CARD8: variants seen among roughly 807,000 people sequenced by gnomAD.
CARD8 encodes the protein caspase recruitment domain-containing protein 8.
CARD8 carries 38 observed loss-of-function variants against 53.2 expected under a neutral mutation model. The observed-to-expected ratio is 0.71, with a 90% CI of 0.55 to 0.94. The LOEUF (loss-of-function observed/expected upper bound fraction) is 0.94, where lower values mean the gene tolerates loss of function less well. Among genes scored for constraint, CARD8 ranks in the 40% least tolerant of loss-of-function variants. CARD8 has a pLI of 0.00. For missense variants in CARD8, 561 were observed against 655.5 expected, an observed-to-expected ratio of 0.86 and a Z score of 1.57; for synonymous variants, 245 against 244.9, an observed-to-expected ratio of 1.00 and a Z score of 0.00.
At chr19:48,205,196 A>C (rs148066188), downstream of CARD8, among the ~76,000 whole-genome samples, 20 of 152,264 alleles carry the variant, frequency 1.3e-4, no homozygotes, top group East Asian at 3.3e-3. Flanking sequence ...TTATTTTTAA[A>C]AACGTTTTAT....
At position 48,240,768 on chromosome 19, in the gene CARD8, C is replaced by CA. The variant is rs34345721; in HGVS notation, c.59+193dup. On this transcript the variant is annotated intron_variant, in intron 4 of 13. Coordinates refer to ENST00000651546, the MANE Select transcript of CARD8 (RefSeq NM_001184900.3). ...TGGGCAACAAAACAAGACTCTGTGT[C>CA]AAAAAAAAAAAAAAAGTACACCTGG... is the stretch of plus-strand genomic sequence containing the variant. Among the ~76,000 whole-genome samples the CA allele has an allele frequency of 3.9e-3, 530 of 136,078 alleles. 2 individuals carry two copies. The highest frequency in any genetic ancestry group is 0.011 in the African/African-American group (407 of 36,962). The allele number at this position is 136,078 out of a possible 152,430, so 89.3% of individuals were successfully genotyped here. A position where few individuals can be genotyped will look rare whatever the true frequency, so the allele number is the denominator to read the frequency against.
At chr19:48,233,900 T>C (rs556100055) in intron 6 of CARD8, 1 of 159,642 alleles carries the variant, frequency 6.3e-6, no homozygotes, top group African/African-American at 2.4e-5. Flanking sequence ...CTTGTATCTG[T>C]GTGGTGAAAG....
At chr19:48,251,127 T>C (rs2046886078) in intron 1 of CARD8, among the ~76,000 whole-genome samples, 1 of 152,222 alleles carries the variant, frequency 6.6e-6, no homozygotes, top group South Asian at 2.1e-4. Context: ...CATGTCGTAT[T>C]AGCAACATCA....
intron 10 of CARD8, chr19:48,223,576 G>A: frequency 3.6e-6 from 1 of 277,990 alleles, no homozygotes; most frequent in South Asian, 3.4e-5. Context: ...TACCATCTCT[G>A]ATGAACAATT....
At chr19:48,206,764 T>G (rs1354924447), downstream of CARD8, among the ~76,000 whole-genome samples, 1 of 152,178 alleles carries the variant, frequency 6.6e-6, no homozygotes. Flanking sequence ...CTCCGCTCTT[T>G]TGTTGCTTTG....
chr19:48,215,459 T>C, intron 12 of CARD8, 75 bp from the exon 13 acceptor site: 1 of 966,826 alleles, frequency 1.0e-6, no homozygotes, highest in Non-Finnish European at 1.7e-6. Flanking sequence ...TAGTCTTTGA[T>C]GCAACCAACT....
downstream of CARD8, among the ~76,000 whole-genome samples, chr19:48,205,208 A>G (rs1599950649): frequency 1.3e-5 from 2 of 152,248 alleles, no homozygotes; most frequent in Middle Eastern, 6.8e-3. Flanking sequence ...ACGTTTTATT[A>G]TGGAAAGTTT....
chr19:48,226,048 C>T (rs534826915), intron 10 of CARD8, among the ~76,000 whole-genome samples: 135 of 109,538 alleles, frequency 1.2e-3, no homozygotes, highest in African/African-American at 5.9e-3. Context: ...AGCAAGACTC[C>T]GTCTCAAAAA....
At chr19:48,248,248 C>T (rs768118936) in intron 3 of CARD8, among the ~76,000 whole-genome samples, 1 of 152,092 alleles carries the variant, frequency 6.6e-6, no homozygotes, top group Non-Finnish European at 1.5e-5. Flanking sequence ...CTTGCCTGCA[C>T]GTATTGCCTG....
At chr19:48,252,995 A>G (rs2047132087) in intron 1 of CARD8, among the ~76,000 whole-genome samples, 1 of 152,156 alleles carries the variant, frequency 6.6e-6, no homozygotes, top group Non-Finnish European at 1.5e-5. Context: ...TCTTGTATTC[A>G]TTCCACAAAT....
At position 48,208,320 on chromosome 19, in the gene CARD8, G is replaced by A. The variant is rs1021629165; in HGVS notation, c.*3390C>T. 1.2e-4 allele frequency: 18 copies of A among 152,174 alleles called. No homozygotes were observed. In the East Asian group the frequency reaches 3.5e-3, roughly 29 times the overall value. The allele number at this position is 152,174 out of a possible 1,614,324, so 9.4% of individuals were successfully genotyped here. ...CCCAACTTGAGCATTCATTGCGCTG[G>A]TCCTAATTCACATTCAAACGCCCTG... is the stretch of plus-strand genomic sequence containing the variant. On this transcript the variant is annotated 3_prime_UTR_variant, in exon 14 of 14. Coordinates refer to ENST00000651546, the MANE Select transcript of CARD8 (RefSeq NM_001184900.3).
downstream of CARD8, among the ~76,000 whole-genome samples, chr19:48,207,004 C>T (rs1210648212): frequency 6.6e-6 from 1 of 151,984 alleles, no homozygotes; most frequent in East Asian, 1.9e-4. Context: ...CTCTGTTCTA[C>T]TAAAAATACA....
At chr19:48,248,454 A>C (rs1185772035) in intron 3 of CARD8, among the ~76,000 whole-genome samples, 2 of 152,270 alleles carry the variant, frequency 1.3e-5, no homozygotes, top group African/African-American at 4.8e-5. Flanking sequence ...TAAATAAGGA[A>C]TCAAAAGGAT....
At chr19:48,243,521 TCA>T (rs1431956648) in intron 3 of CARD8, among the ~76,000 whole-genome samples, 2 of 152,248 alleles carry the variant, frequency 1.3e-5, no homozygotes, top group Non-Finnish European at 2.9e-5. Flanking sequence ...ATTATGCTTC[TCA>T]CAGCCTGCGA....
chr19:48,233,602 G>A (rs1037164020), intron 6 of CARD8: 1 of 335,334 alleles, frequency 3.0e-6, no homozygotes, highest in Non-Finnish European at 5.9e-6. Flanking sequence ...CTCTTTCCTG[G>A]TGCATGTGCA....
chr19:48,235,900 A>G (rs1366407707), intron 5 of CARD8, among the ~76,000 whole-genome samples: 1 of 144,704 alleles, frequency 6.9e-6, no homozygotes, highest in Non-Finnish European at 1.5e-5. Context: ...ACTTTTGTCT[A>G]AAAAAAAAAA....
intron 4 of CARD8, among the ~76,000 whole-genome samples, 170 bp downstream of exon 4, chr19:48,240,792 G>A (rs1600592481): frequency 6.6e-6 from 1 of 151,916 alleles, no homozygotes; most frequent in East Asian, 1.9e-4. Context: ...AAGTACACCT[G>A]GGTGCCCATG....
At chr19:48,231,098 G>T in intron 8 of CARD8, 92 bp from the exon 9 acceptor site, 1 of 1,043,932 alleles carries the variant, frequency 9.6e-7, no homozygotes, top group Non-Finnish European at 1.5e-6. Context: ...TTGAAGTGAG[G>T]CAAGGTTCAG....
In CARD8 at chr19:48,246,853, G is replaced by T. The variant is rs552506365; in HGVS notation, c.-44+2670C>A. Among the ~76,000 whole-genome samples the T allele has an allele frequency of 9.8e-5, 15 of 152,304 alleles. No individual in the cohort carries two copies. The South Asian group carries it at 3.1e-3, about 32-fold the overall frequency. On this transcript the variant is annotated intron_variant, in intron 3 of 13. Coordinates refer to ENST00000651546, the MANE Select transcript of CARD8 (RefSeq NM_001184900.3). ...TCTGACATTCTGATATTGCTGATGGGAGTGTCACCTGCTATTCATTATATG... is the reference window on the plus strand; with the variant it reads ...TCTGACATTCTGATATTGCTGATGGTAGTGTCACCTGCTATTCATTATATG...
Sources: allele counts gnomAD v4.1 joint callset (sites outside exome capture counted in the v4.1 genomes callset), GRCh38; gene constraint gnomAD v4.1.1; transcripts MANE v1.5; gene names NCBI Gene and HGNC (gene_info 2026-07-23, HGNC 2026-07-21).